Variants in ARHGEF7 observed in about 807,000 individuals in gnomAD.
ARHGEF7 encodes the protein PAK-interacting exchange factor beta.
ARHGEF7 carries 33 observed loss-of-function variants against 109.8 expected under a neutral mutation model. The observed-to-expected ratio is 0.30, with a 90% confidence interval of 0.23 to 0.40. The LOEUF is 0.40. Ranked by LOEUF, ARHGEF7 falls within the 10% of genes least tolerant of loss-of-function variation. The probability of loss-of-function intolerance (pLI) is 1.00; values close to 1 mark genes in which losing one functional copy is unlikely to be tolerated. For synonymous variants in ARHGEF7, 458 were observed against 424.6 expected (o/e 1.08, Z -0.97); for missense variants, 938 against 1,098.5 (o/e 0.85, Z 2.07).
rs575592891 is a variant in ARHGEF7, at chr13:111,238,787, C to T, written c.760-5085C>T. ...CATTAGAGAATGAGGTTTCTTAAGT[C>T]GCTGACTGGGAAGACACAGTCCTTA... On this transcript the variant is annotated intron_variant, in intron 6 of 21. Transcript: ENST00000646102. Among the ~76,000 whole-genome samples, 56 of 152,166 alleles carry T rather than the reference C, an allele frequency of 3.7e-4. No homozygotes were observed. In the South Asian group the frequency reaches 4.8e-3, roughly 13 times the overall value.
intron 8 of ARHGEF7, among the ~76,000 whole-genome samples, chr13:111,256,220 T>C (rs2090405602): frequency 6.6e-6 from 1 of 152,208 alleles, no homozygotes; most frequent in Non-Finnish European, 1.5e-5. Flanking sequence ...AAGGTTTCAC[T>C]TGGAAGGCGA....
rs1368006897 is a variant in ARHGEF7, at chr13:111,303,921, TAAC to T, written c.*814_*816del. The T allele has an allele frequency of 2.0e-5, 3 of 152,364 alleles. No homozygotes were observed. Among genetic ancestry groups the T allele is most frequent in the African/African-American group, 7.2e-5 (3 of 41,586 alleles). The allele number at this position is 152,364 out of a possible 1,614,324, so 9.4% of individuals were successfully genotyped here. A position where few individuals can be genotyped will look rare whatever the true frequency, so the allele number is the denominator to read the frequency against. On this transcript the variant is annotated 3_prime_UTR_variant, in exon 22 of 22. Transcript: ENST00000646102. The stretch of plus-strand genomic sequence containing the variant: ...GACGGTTCTGTATAGGCTAGTTCAG[TAAC>T]AACAAAATACACTGTTTTGTCTTCC...
intron 2 of ARHGEF7, among the ~76,000 whole-genome samples, chr13:111,200,976 C>T (rs1487188465): frequency 6.6e-6 from 1 of 152,058 alleles, no homozygotes; most frequent in East Asian, 1.9e-4. Context: ...TCTTCTTTGG[C>T]TCGGGGGGGA....
intron 17 of ARHGEF7, among the ~76,000 whole-genome samples, chr13:111,287,720 C>T (rs185546031): frequency 6.6e-6 from 1 of 152,316 alleles, no homozygotes; most frequent in African/African-American, 2.4e-5. Flanking sequence ...GCAGGAACCC[C>T]AGGCTGTGCC....
chr13:111,126,659 A>C (rs1023750274), intron 1 of ARHGEF7, among the ~76,000 whole-genome samples: 12 of 152,240 alleles, frequency 7.9e-5, no homozygotes, highest in African/African-American at 2.9e-4. Context: ...GAGAAAAATA[A>C]AAGTTCATTT....
At chr13:111,245,164 C>T (rs905911263) in intron 8 of ARHGEF7, among the ~76,000 whole-genome samples, 3 of 152,088 alleles carry the variant, frequency 2.0e-5, no homozygotes, top group African/African-American at 7.2e-5. Context: ...AGCATCTCAT[C>T]GATTTGCTGA....
At chr13:111,262,485 G>A (rs2091211324) in intron 8 of ARHGEF7, among the ~76,000 whole-genome samples, 1 of 152,120 alleles carries the variant, frequency 6.6e-6, no homozygotes, top group Admixed American at 6.5e-5. Context: ...ATCTCTGAAG[G>A]CCATCTGTTG....
chr13:111,205,513 C>A, intron 3 of ARHGEF7, 140 bp downstream of exon 3: 1 of 573,112 alleles, frequency 1.7e-6, no homozygotes, highest in Non-Finnish European at 3.0e-6. Context: ...TTGATTGTTC[C>A]TTTTGCTGTG....
intron 17 of ARHGEF7, 106 bp from the exon 18 acceptor site, chr13:111,288,248 C>A: frequency 3.7e-6 from 2 of 534,758 alleles, no homozygotes; most frequent in South Asian, 4.5e-5. Flanking sequence ...GGCAGATTAT[C>A]TTACTTGGTC....
At chr13:111,203,134 G>T (rs2081379039) in intron 2 of ARHGEF7, 1 of 1,269,618 alleles carries the variant, frequency 7.9e-7, no homozygotes, top group African/African-American at 1.5e-5. Context: ...AGAAATTTAT[G>T]TATGTATTTC....
At chr13:111,205,588 C>T (rs1015287847) in intron 3 of ARHGEF7, among the ~76,000 whole-genome samples, 3 of 152,128 alleles carry the variant, frequency 2.0e-5, no homozygotes, top group African/African-American at 7.2e-5. Context: ...CAGGTGTTTT[C>T]CTTTCTGTGG....
At chr13:111,129,203 A>G (rs962187152) in intron 1 of ARHGEF7, among the ~76,000 whole-genome samples, 1 of 152,222 alleles carries the variant, frequency 6.6e-6, no homozygotes, top group Non-Finnish European at 1.5e-5. Context: ...GTATACAAAA[A>G]TTAACTAAAA....
At chr13:111,174,930 T>C (rs1223810287) in intron 2 of ARHGEF7, among the ~76,000 whole-genome samples, 1 of 152,200 alleles carries the variant, frequency 6.6e-6, no homozygotes, top group African/African-American at 2.4e-5. Context: ...GGGTGAAACC[T>C]AAAAGCTCCA....
chr13:111,305,634 CTCCT>C lies in ARHGEF7; in HGVS notation c.*2522_*2525del, dbSNP rs2093634512. On this transcript the variant is annotated 3_prime_UTR_variant, in exon 22 of 22. Coordinates refer to ENST00000646102, the MANE Select transcript of ARHGEF7 (RefSeq NM_001354046.2). Reference sequence around the variant, plus strand: ...GCGCCTGTTGACAAGTGTGGAGAAACTCCTAATTTAAATGTCACAGACAATGTCC... The same window carrying C: ...GCGCCTGTTGACAAGTGTGGAGAAACAATTTAAATGTCACAGACAATGTCC... 3 of 152,222 alleles carry C rather than the reference CTCCT, an allele frequency of 2.0e-5. No homozygotes were observed. Among genetic ancestry groups the C allele is most frequent in the African/African-American group, 7.2e-5 (3 of 41,452 alleles). 9.4% of individuals were successfully genotyped at this position (152,222 alleles called of 1,614,324 possible).
At chr13:111,250,314 G>A (rs1043086921) in intron 8 of ARHGEF7, among the ~76,000 whole-genome samples, 2 of 152,196 alleles carry the variant, frequency 1.3e-5, no homozygotes, top group Admixed American at 6.5e-5. Context: ...TCAGGTATGC[G>A]TGCATTCGGC....
intron 6 of ARHGEF7, among the ~76,000 whole-genome samples, chr13:111,235,981 C>T (rs950935543): frequency 3.9e-5 from 6 of 152,028 alleles, no homozygotes; most frequent in Admixed American, 2.6e-4. Flanking sequence ...GTATTCCATG[C>T]GAAAGTACCA....
chr13:111,164,243 C>T (rs1044361778), intron 2 of ARHGEF7, among the ~76,000 whole-genome samples: 1 of 152,190 alleles, frequency 6.6e-6, no homozygotes, highest in Non-Finnish European at 1.5e-5. Context: ...TGAAGTGGTT[C>T]AGAAGTCACA....
intron 1 of ARHGEF7, among the ~76,000 whole-genome samples, chr13:111,123,824 A>G (rs1343898032): frequency 1.4e-5 from 2 of 145,510 alleles, no homozygotes; most frequent in Non-Finnish European, 3.0e-5. Context: ...GGAGCTCCAG[A>G]GCGGCTGGTA....
chr13:111,158,905 A>T, intron 2 of ARHGEF7: 1 of 622,846 alleles, frequency 1.6e-6, no homozygotes, highest in Non-Finnish European at 2.9e-6. Flanking sequence ...GCAATTTTGA[A>T]ATATACTTTA....
Sources: allele counts gnomAD v4.1 joint callset (sites outside exome capture counted in the v4.1 genomes callset), GRCh38; gene constraint gnomAD v4.1.1; transcripts MANE v1.5; gene names NCBI Gene and HGNC (gene_info 2026-07-23, HGNC 2026-07-21).